NUMB: variants seen among roughly 807,000 people sequenced by gnomAD.
NUMB encodes the protein protein numb homolog.
Under a neutral mutation model 59.7 loss-of-function variants are expected in NUMB, and 29 were observed. The observed-to-expected ratio is 0.49, with a 90% confidence interval of 0.36 to 0.66. NUMB has a LOEUF of 0.66. NUMB is among the 30% of genes least tolerant of loss of function. The pLI, the probability that NUMB is intolerant of heterozygous loss-of-function variation, is 0.00. For missense variants in NUMB, 723 were observed against 822.0 expected (o/e 0.88, Z 1.47); for synonymous variants, 288 against 288.2 (o/e 1.00, Z 0.01).
chr14:73,438,343 T>C (rs1041798834), intron 1 of NUMB, among the ~76,000 whole-genome samples: 1 of 152,044 alleles, frequency 6.6e-6, no homozygotes, highest in Non-Finnish European at 1.5e-5. Flanking sequence ...TTTTAAAATG[T>C]TTTCTGGCTG....
At chr14:73,401,865 G>A (rs987196035) in intron 2 of NUMB, among the ~76,000 whole-genome samples, 33 of 149,784 alleles carry the variant, frequency 2.2e-4, no homozygotes, top group Admixed American at 1.1e-3. Context: ...CACCACATCC[G>A]GCCTAAATTT....
intron 2 of NUMB, among the ~76,000 whole-genome samples, chr14:73,408,594 C>T (rs1896779376): frequency 6.6e-6 from 1 of 152,036 alleles, no homozygotes; most frequent in Admixed American, 6.6e-5. Flanking sequence ...AAGAAAATTC[C>T]AGGCTGGACG....
At chr14:73,387,914 T>C (rs1198049006) in intron 2 of NUMB, among the ~76,000 whole-genome samples, 1 of 148,256 alleles carries the variant, frequency 6.7e-6, no homozygotes, top group South Asian at 2.1e-4. Flanking sequence ...AGCCCAGGAG[T>C]TTGAGATCAG....
chr14:73,297,749 G>A (rs1889874261), intron 6 of NUMB: 1 of 155,056 alleles, frequency 6.4e-6, no homozygotes, highest in African/African-American at 2.4e-5. Context: ...ACTATCCTAT[G>A]ACCCCCAGTA....
intron 1 of NUMB, among the ~76,000 whole-genome samples, chr14:73,432,842 T>A (rs1436086677): frequency 6.6e-6 from 1 of 152,134 alleles, no homozygotes; most frequent in Admixed American, 6.6e-5. Flanking sequence ...AGATTAATCT[T>A]ATCTAAACCC....
chr14:73,282,520 G>A lies in NUMB; in HGVS notation c.950-15C>T, dbSNP rs949432908. 1 of 1,610,494 alleles carries A rather than the reference G, an allele frequency of 6.2e-7. No individual in the cohort carries two copies. The highest frequency in any genetic ancestry group is 1.3e-5 in the African/African-American group (1 of 74,812). The stretch of plus-strand genomic sequence containing the variant: ...TACTTCTGGCACTGCAAGGCAAACA[G>A]AAAATGGCTCCAGACAGAAAAATGG... On this transcript the variant is annotated splice_polypyrimidine_tract_variant and intron_variant, in intron 10 of 12. Coordinates refer to ENST00000555238, the MANE Select transcript of NUMB (RefSeq NM_001005743.2).
chr14:73,321,026 T>C (rs1359288700), intron 5 of NUMB, among the ~76,000 whole-genome samples: 1 of 151,984 alleles, frequency 6.6e-6, no homozygotes. Context: ...ACATATTGCT[T>C]ATATAATAAC....
At chr14:73,439,972 A>G (rs1882899437) in intron 1 of NUMB, among the ~76,000 whole-genome samples, 1 of 152,182 alleles carries the variant, frequency 6.6e-6, no homozygotes, top group Non-Finnish European at 1.5e-5. Flanking sequence ...ATGAAATTAT[A>G]TACAACCTGT....
chr14:73,321,062 C>CA lies in NUMB; in HGVS notation c.201+2067dup, dbSNP rs1050545468. 1.5e-3 allele frequency among the ~76,000 whole-genome samples: 227 copies of CA among 149,608 alleles called. 1 individual carries two copies. Among genetic ancestry groups the CA allele is most frequent in the Non-Finnish European group, 1.8e-3 (123 of 67,330 alleles). ...GAGATATTTCTAATTAAAAGTATTT[C>CA]AAAAAAAAACAAAGCTAGACAGGTA... On this transcript the variant is annotated intron_variant, in intron 5 of 12. Transcript: ENST00000555238.
At chr14:73,395,611 ACT>A (rs1896094017) in intron 2 of NUMB, among the ~76,000 whole-genome samples, 1 of 152,096 alleles carries the variant, frequency 6.6e-6, no homozygotes. Context: ...GCAGAGCGAG[ACT>A]CTGTCTGTAA....
chr14:73,383,125 G>A (rs145527699), intron 2 of NUMB, among the ~76,000 whole-genome samples: 252 of 152,268 alleles, frequency 1.7e-3, no homozygotes, highest in African/African-American at 5.8e-3. Context: ...CAGCCTCAGT[G>A]ACAGATCAAA....
rs1888094190 is a variant in NUMB at position 73,275,517 on chromosome 14, TG to T, written c.*1060del. The T allele has an allele frequency of 6.6e-6, 1 of 152,162 alleles. No individual in the cohort carries two copies. Among genetic ancestry groups the T allele is most frequent in the African/African-American group, 2.4e-5 (1 of 41,438 alleles). 9.4% of individuals were successfully genotyped at this position (152,162 alleles called of 1,614,324 possible). A position where few individuals can be genotyped will look rare whatever the true frequency, so the allele number is the denominator to read the frequency against. On this transcript the variant is annotated 3_prime_UTR_variant, in exon 13 of 13. Transcript: ENST00000555238. ...CCAAGACCCATATTACAAACCAATA[TG>T]GTAACCTGTGTTCCCTTCTATGGTA...
intron 4 of NUMB, among the ~76,000 whole-genome samples, chr14:73,352,477 C>CACACAT (rs1566756099): frequency 4.7e-4 from 6 of 12,692 alleles, no homozygotes; most frequent in Non-Finnish European, 8.3e-4. Flanking sequence ...CACACACACA[C>CACACAT]ATATATATAT....
intron 3 of NUMB, among the ~76,000 whole-genome samples, chr14:73,366,101 A>C (rs1894330367): frequency 6.6e-6 from 1 of 152,228 alleles, no homozygotes; most frequent in African/African-American, 2.4e-5. Flanking sequence ...ATTTATTCTA[A>C]ATACAAATTG....
intron 6 of NUMB, among the ~76,000 whole-genome samples, chr14:73,307,826 G>A (rs941246332): frequency 4.9e-5 from 7 of 144,326 alleles, no homozygotes; most frequent in East Asian, 2.0e-4. Context: ...TCCGCCTCCC[G>A]GGTTCACGCC....
intron 9 of NUMB, chr14:73,286,044 G>A (rs1487692372): frequency 6.6e-6 from 1 of 151,588 alleles, no homozygotes; most frequent in Non-Finnish European, 1.5e-5. Context: ...GTTTTTAAGA[G>A]ACAGGGTTTT....
intron 1 of NUMB, among the ~76,000 whole-genome samples, chr14:73,437,038 TC>T (rs1898084404): frequency 7.4e-6 from 1 of 134,562 alleles, no homozygotes; most frequent in African/African-American, 2.9e-5. Context: ...ATTTTTTCTC[TC>T]TCTTTTTTTT....
At chr14:73,339,360 A>G (rs1034038788) in intron 4 of NUMB, among the ~76,000 whole-genome samples, 1 of 152,088 alleles carries the variant, frequency 6.6e-6, no homozygotes, top group Admixed American at 6.6e-5. Flanking sequence ...TTTGCTCTAA[A>G]CACACTGGCC....
At chr14:73,398,863 A>C (rs1896274248) in intron 2 of NUMB, among the ~76,000 whole-genome samples, 3 of 152,138 alleles carry the variant, frequency 2.0e-5, no homozygotes, top group Admixed American at 2.0e-4. Flanking sequence ...TACGGGCCAC[A>C]AGTCAGCAAT....
Sources: allele counts gnomAD v4.1 joint callset (sites outside exome capture counted in the v4.1 genomes callset), GRCh38; gene constraint gnomAD v4.1.1; transcripts MANE v1.5; gene names NCBI Gene and HGNC (gene_info 2026-07-23, HGNC 2026-07-21).